The following ALMS1 variants were observed in gnomAD, a reference collection of about 807,000 sequenced individuals.
The protein encoded by ALMS1 is ALMS1 centrosome and basal body associated protein, also known as centrosome-associated protein ALMS1.
Under a neutral mutation model 352.2 loss-of-function variants are expected in ALMS1, and 271 were observed. The observed-to-expected ratio is 0.77, with a 90% CI of 0.70 to 0.85. The LOEUF (loss-of-function observed/expected upper bound fraction) is 0.85. ALMS1 is among the 40% of genes least tolerant of loss of function. The probability of loss-of-function intolerance (pLI) is 0.00; values close to 1 mark genes in which losing one functional copy is unlikely to be tolerated. For missense variants in ALMS1, 5,445 were observed against 4,870.7 expected (o/e 1.12, Z -3.51); for synonymous variants, 1,865 against 1,761.2 (o/e 1.06, Z -1.48).
chr2:73,495,677 T>A (rs1418521595), intron 10 of ALMS1, among the ~76,000 whole-genome samples: 1 of 152,190 alleles, frequency 6.6e-6, no homozygotes, highest in African/African-American at 2.4e-5. Context: ...ATAGGTAGAT[T>A]TGTAAATTTA....
chr2:73,467,254 A>T, intron 9 of ALMS1, among the ~76,000 whole-genome samples: 1 of 152,224 alleles, frequency 6.6e-6, no homozygotes, highest in South Asian at 2.1e-4. Flanking sequence ...AAAGGACATA[A>T]ATTCAGAATA....
chr2:73,518,741 G>T (rs186231033), intron 10 of ALMS1, among the ~76,000 whole-genome samples: 1 of 152,064 alleles, frequency 6.6e-6, no homozygotes, highest in Non-Finnish European at 1.5e-5. Context: ...CATATGCGTG[G>T]TGGCTGCATA....
At chr2:73,387,933 C>T (rs368959750) in intron 1 of ALMS1, among the ~76,000 whole-genome samples, 1 of 152,102 alleles carries the variant, frequency 6.6e-6, no homozygotes, top group Non-Finnish European at 1.5e-5. Context: ...TACTTAATAA[C>T]GGATGGGATG....
chr2:73,408,823 G>T, intron 2 of ALMS1, 76 bp downstream of exon 2: 3 of 1,195,202 alleles, frequency 2.5e-6, no homozygotes, highest in Non-Finnish European at 3.5e-6. Flanking sequence ...TATGAAGAAT[G>T]GAAAAATAAA....
At chr2:73,433,649 C>G (rs1166229539) in intron 7 of ALMS1, among the ~76,000 whole-genome samples, 1 of 151,892 alleles carries the variant, frequency 6.6e-6, no homozygotes, top group Non-Finnish European at 1.5e-5. Context: ...AATCTCAGTA[C>G]TTTGGGAGGC....
At chr2:73,429,109 A>G (rs1204108998) in intron 6 of ALMS1, among the ~76,000 whole-genome samples, 1 of 152,086 alleles carries the variant, frequency 6.6e-6, no homozygotes, top group Non-Finnish European at 1.5e-5. Context: ...AACCTTATAC[A>G]TCGTACTATT....
At position 73,452,483 on chromosome 2, in the gene ALMS1, A is replaced by G. The variant is rs778684767; in HGVS notation, c.5956A>G (p.Ser1986Gly). The G allele has an allele frequency of 1.2e-6, 2 of 1,614,108 alleles. No individual in the cohort carries two copies. The highest frequency in any genetic ancestry group is 8.5e-7 in the Non-Finnish European group (1 of 1,180,000). ...QKTGIPIGLSSSYSHSHKEKL... is the reference protein window; with the variant it reads ...QKTGIPIGLSGSYSHSHKEKL... ...GACTGGGATACCAATAGGACTGTCT[A>G]GTTCCTACTCACATTCACATAAAGA... Residue 1986 changes from serine (S) to glycine (G), a missense_variant, in exon 8 of 23, where the codon AGT becomes GGT. Physicochemically the swap from Ser to Gly is moderately conservative, Grantham distance 56. Coordinates refer to ENST00000613296, the MANE Select transcript of ALMS1 (RefSeq NM_001378454.1).
chr2:73,586,217 G>A (rs1675308602), intron 16 of ALMS1, among the ~76,000 whole-genome samples: 1 of 152,162 alleles, frequency 6.6e-6, no homozygotes, highest in African/African-American at 2.4e-5. Context: ...CTCCCATTTT[G>A]TGGGTTGTTT....
chr2:73,438,533 A>G (rs1671651071), intron 7 of ALMS1, among the ~76,000 whole-genome samples: 1 of 152,184 alleles, frequency 6.6e-6, no homozygotes, highest in Non-Finnish European at 1.5e-5. Flanking sequence ...TTGTCGGGAG[A>G]TCATTTGGTT....
At chr2:73,529,661 G>A (rs1056586957) in intron 11 of ALMS1, among the ~76,000 whole-genome samples, 1 of 152,130 alleles carries the variant, frequency 6.6e-6, no homozygotes, top group African/African-American at 2.4e-5. Flanking sequence ...GTAACACTGT[G>A]GCTCTTGCAG....
Position 73,515,612 on chromosome 2 carries a change from G to C in ALMS1, c.9540-4163G>C, listed in dbSNP as rs78696110. ...GCTGAACTGTATGAAATTGAGATGC[G>C]AAAATCCATACAAAAGATTAACTAA... On this transcript the variant is annotated intron_variant, in intron 10 of 22. Transcript: ENST00000613296. Among the ~76,000 whole-genome samples, 3 of 152,024 alleles carry C rather than the reference G, an allele frequency of 2.0e-5. No individual in the cohort carries two copies. In the East Asian group the frequency reaches 5.8e-4, roughly 29 times the overall value.
intron 10 of ALMS1, among the ~76,000 whole-genome samples, chr2:73,512,746 A>C (rs986900340): frequency 6.6e-6 from 1 of 152,104 alleles, no homozygotes; most frequent in Admixed American, 6.5e-5. Context: ...AGCTGGCTCT[A>C]TATCCTTTTT....
chr2:73,590,678 T>C (rs1022250423), intron 16 of ALMS1, among the ~76,000 whole-genome samples: 44 of 107,016 alleles, frequency 4.1e-4, no homozygotes, highest in Non-Finnish European at 7.1e-4. Context: ...GTTTTATTAC[T>C]TTTTTTTTTT....
intron 1 of ALMS1, among the ~76,000 whole-genome samples, chr2:73,389,121 A>G (rs1275968458): frequency 1.3e-5 from 2 of 152,130 alleles, no homozygotes; most frequent in Non-Finnish European, 2.9e-5. Context: ...TGACTTTTTA[A>G]TAATAGCCAT....
At chr2:73,485,401 A>G (rs1367745710) in intron 9 of ALMS1, among the ~76,000 whole-genome samples, 1 of 152,234 alleles carries the variant, frequency 6.6e-6, no homozygotes, top group Non-Finnish European at 1.5e-5. Context: ...GTCAGGGGTC[A>G]GGGACCCACT....
At position 73,453,643 on chromosome 2, in the gene ALMS1, G is replaced by A. The variant is rs756419459; in HGVS notation, c.7116G>A (p.Met2372Ile). Residue 2372 changes from methionine (M) to isoleucine (I), a missense_variant, in exon 8 of 23, where the codon ATG (methionine) becomes ATA (isoleucine). Met to Ile is a conservative substitution (Grantham distance 10, BLOSUM62 1). Coordinates refer to ENST00000613296, the MANE Select transcript of ALMS1 (RefSeq NM_001378454.1). ...AGGAAGCAGAGAGCAAAGTCAGTAT[G>A]GCATTAGAAGAAACTCTTAGGCAAT... ...PLQEAESKVS[M>I]ALEETLRQYQ... The A allele has an allele frequency of 6.2e-7, 1 of 1,614,000 alleles. No homozygotes were observed. The highest frequency in any genetic ancestry group is 8.5e-7 in the Non-Finnish European group (1 of 1,180,002).
chr2:73,573,545 A>G, intron 16 of ALMS1, 121 bp downstream of exon 16: 1 of 998,856 alleles, frequency 1.0e-6, no homozygotes, highest in Non-Finnish European at 1.6e-6. Context: ...ACCATTTCTT[A>G]CCAACTGGAA....
At chr2:73,472,025 G>C (rs955742153) in intron 9 of ALMS1, among the ~76,000 whole-genome samples, 8 of 152,028 alleles carry the variant, frequency 5.3e-5, no homozygotes, top group Non-Finnish European at 1.0e-4. Flanking sequence ...CCTTAAGGAA[G>C]TCCTGCTGTA....
At chr2:73,428,139 G>A (rs1381430906) in intron 6 of ALMS1, among the ~76,000 whole-genome samples, 3 of 152,112 alleles carry the variant, frequency 2.0e-5, no homozygotes, top group Non-Finnish European at 4.4e-5. Context: ...GAAAATGATA[G>A]TTAACACTTT....
Sources: allele counts gnomAD v4.1 joint callset (sites outside exome capture counted in the v4.1 genomes callset), GRCh38; gene constraint gnomAD v4.1.1; transcripts MANE v1.5; gene names NCBI Gene and HGNC (gene_info 2026-07-23, HGNC 2026-07-21).